CTSC: variants seen among roughly 807,000 people sequenced by gnomAD.
CTSC encodes the protein dipeptidyl peptidase 1.
CTSC carries 37 observed loss-of-function variants against 40.9 expected under a neutral mutation model. That is an observed-to-expected ratio of 0.91 (90% CI 0.70 to 1.19). The LOEUF (loss-of-function observed/expected upper bound fraction) is 1.19. Ranked by LOEUF, CTSC falls within the 50% of genes most tolerant of loss-of-function variation. The pLI, the probability that CTSC is intolerant of heterozygous loss-of-function variation, is 0.00. For synonymous variants in CTSC, 232 were observed against 207.4 expected (o/e 1.12, Z -1.02); for missense variants, 594 against 567.3 (o/e 1.05, Z -0.48).
At chr11:88,301,786 GCA>G (rs1171170873) in intron 4 of CTSC, among the ~76,000 whole-genome samples, 1 of 133,656 alleles carries the variant, frequency 7.5e-6, no homozygotes, top group Non-Finnish European at 1.6e-5. Context: ...ACATACACAT[GCA>G]CACACACACA....
At chr11:88,295,179 G>A (rs1008559668) in intron 6 of CTSC, among the ~76,000 whole-genome samples, 6 of 152,162 alleles carry the variant, frequency 3.9e-5, no homozygotes, top group Admixed American at 3.3e-4. Flanking sequence ...GTCACAACTA[G>A]TAGTACATAT....
chr11:88,318,217 A>G (rs905104505), intron 2 of CTSC, among the ~76,000 whole-genome samples: 2 of 152,246 alleles, frequency 1.3e-5, no homozygotes, highest in African/African-American at 4.8e-5. Flanking sequence ...GCTAGAAGAC[A>G]GAGGCAGTTT....
chr11:88,305,836 T>C (rs1302832027), intron 4 of CTSC, among the ~76,000 whole-genome samples: 1 of 152,188 alleles, frequency 6.6e-6, no homozygotes, highest in East Asian at 1.9e-4. Context: ...AGAAGGGAGC[T>C]TTAGCAGGAG....
rs1938443896 is a variant in CTSC, at chr11:88,334,727, A to G, written c.318+210T>C. 7 of 543,586 alleles carry G rather than the reference A, an allele frequency of 1.3e-5. No individual in the cohort carries two copies. The Admixed American group carries it at 2.1e-4, about 16-fold the overall frequency. The allele number at this position is 543,586 out of a possible 1,614,324, so 33.7% of individuals were successfully genotyped here. ...TTTAAACATAATTTATACATATTCAAATGTAGCACTGGTATTTTGTAAACC... is the reference window on the plus strand; with the variant it reads ...TTTAAACATAATTTATACATATTCAGATGTAGCACTGGTATTTTGTAAACC... On this transcript the variant is annotated intron_variant, in intron 2 of 6. Coordinates refer to ENST00000227266, the MANE Select transcript of CTSC (RefSeq NM_001814.6).
In CTSC at chr11:88,324,502, C is replaced by A. The variant is rs994668844; in HGVS notation, c.318+10435G>T. On this transcript the variant is annotated intron_variant, in intron 2 of 6. Transcript: ENST00000227266. ...CCTGATTTGTCTTTCTAGAATCCTACAAAATTAATTCTTTGTAAGTTGGTA... is the reference window on the plus strand; with the variant it reads ...CCTGATTTGTCTTTCTAGAATCCTAAAAAATTAATTCTTTGTAAGTTGGTA... 1.7e-5 allele frequency: 17 copies of A among 982,340 alleles called. No individual in the cohort carries two copies. In the African/African-American group the frequency reaches 2.8e-4, roughly 16 times the overall value. 60.9% of individuals were successfully genotyped at this position (982,340 alleles called of 1,614,324 possible).
intron 2 of CTSC, among the ~76,000 whole-genome samples, chr11:88,330,292 T>C (rs1439037262): frequency 6.6e-6 from 1 of 152,154 alleles, no homozygotes; most frequent in Non-Finnish European, 1.5e-5. Context: ...AAATGTAATA[T>C]GCAACTCCCA....
At chr11:88,334,136 GAA>G (rs1938431025) in intron 2 of CTSC, among the ~76,000 whole-genome samples, 1 of 152,224 alleles carries the variant, frequency 6.6e-6, no homozygotes, top group South Asian at 2.1e-4. Flanking sequence ...CTTTCACCAT[GAA>G]AAAGTCTGTC....
chr11:88,311,361 T>A (rs1213689873), intron 3 of CTSC, among the ~76,000 whole-genome samples: 3 of 152,214 alleles, frequency 2.0e-5, no homozygotes, highest in African/African-American at 7.2e-5. Context: ...AGACAATTCA[T>A]CCTCCTTTAA....
At chr11:88,297,682 C>G (rs1274184105) in intron 5 of CTSC, 2 of 152,174 alleles carry the variant, frequency 1.3e-5, no homozygotes, top group East Asian at 3.8e-4. Context: ...ATTTACAGAG[C>G]AATCACAGGA....
At chr11:88,324,502 C>T (rs994668844) in intron 2 of CTSC, 21 of 982,340 alleles carry the variant, frequency 2.1e-5, no homozygotes, top group Non-Finnish European at 2.5e-5. Context: ...TAGAATCCTA[C>T]AAAATTAATT....
chr11:88,300,588 T>C lies in CTSC; in HGVS notation c.699A>G (p.Thr233=). Residue 233 remains threonine, a synonymous_variant, in exon 5 of 7, where the codon ACA becomes ACG. Coordinates refer to ENST00000227266, the MANE Select transcript of CTSC (RefSeq NM_001814.6). The stretch of plus-strand genomic sequence containing the variant: ...CATGAACATTTCTCCAGTCCCAAGA[T>C]GTTGGCAAATGCAAAATCTTTTGCT... ...EIQQKILHLP[T]SWDWRNVHGI... is the part of the protein sequence containing the mutation. 6.2e-7 allele frequency: 1 copy of C among 1,614,008 alleles called. No individual in the cohort carries two copies. The highest frequency in any genetic ancestry group is 8.5e-7 in the Non-Finnish European group (1 of 1,179,870).
chr11:88,320,647 C>T (rs1054389240), intron 2 of CTSC, among the ~76,000 whole-genome samples: 1 of 152,078 alleles, frequency 6.6e-6, no homozygotes, highest in African/African-American at 2.4e-5. Flanking sequence ...CCTCTATAGG[C>T]TTACACAAGA....
intron 2 of CTSC, among the ~76,000 whole-genome samples, 194 bp from the exon 3 acceptor site, chr11:88,312,748 A>C (rs1000825086): frequency 2.0e-5 from 3 of 152,224 alleles, no homozygotes; most frequent in African/African-American, 7.2e-5. Context: ...TTGGCCACCA[A>C]ACAAAATGTA....
intron 1 of CTSC, among the ~76,000 whole-genome samples, chr11:88,335,353 T>C (rs905679447): frequency 2.6e-5 from 4 of 152,034 alleles, no homozygotes; most frequent in Non-Finnish European, 2.9e-5. Context: ...TTTGCGGGGC[T>C]GAGGTCAGAA....
intron 2 of CTSC, among the ~76,000 whole-genome samples, chr11:88,316,658 T>A (rs1937886529): frequency 2.0e-5 from 3 of 152,142 alleles, no homozygotes; most frequent in Non-Finnish European, 4.4e-5. Flanking sequence ...TAGAAAACTA[T>A]CTGGCACTAG....
At chr11:88,335,535 T>A (rs545533834) in intron 1 of CTSC, among the ~76,000 whole-genome samples, 1 of 152,310 alleles carries the variant, frequency 6.6e-6, no homozygotes, top group South Asian at 2.1e-4. Flanking sequence ...GAGCTATGAT[T>A]GCACAACTGC....
intron 4 of CTSC, among the ~76,000 whole-genome samples, chr11:88,301,451 C>T (rs549753411): frequency 4.6e-5 from 7 of 152,256 alleles, no homozygotes; most frequent in Admixed American, 1.3e-4. Flanking sequence ...AGGCCCACTC[C>T]CATCCTGTGG....
chr11:88,300,483 A>G, intron 5 of CTSC, 47 bp downstream of exon 5: 1 of 1,165,912 alleles, frequency 8.6e-7, no homozygotes, highest in Non-Finnish European at 1.3e-6. Context: ...ACTGTTCAAT[A>G]AATAGTTCCA....
chr11:88,297,012 A>C (rs1944306191), intron 5 of CTSC: 1 of 153,274 alleles, frequency 6.5e-6, no homozygotes, highest in Non-Finnish European at 1.5e-5. Flanking sequence ...TCTAGTGTAC[A>C]ACCTGCTCAC....
Sources: gnomAD v4.1 joint callset for allele counts (sites outside exome capture counted in the v4.1 genomes callset) on GRCh38, gnomAD v4.1.1 for gene constraint, MANE v1.5 for transcripts, NCBI Gene and HGNC (gene_info 2026-07-23, HGNC 2026-07-21) for gene names.